The following TNS3 variants were observed in gnomAD, a reference collection of about 807,000 sequenced individuals.
TNS3 encodes the protein tensin 3.
Under a neutral mutation model 140.9 loss-of-function variants are expected in TNS3, and 45 were observed. That is an observed-to-expected ratio of 0.32 (90% confidence interval 0.25 to 0.41). The LOEUF is 0.41. Among genes scored for constraint, TNS3 ranks in the 10% least tolerant of loss-of-function variants. The pLI is 1.00. For synonymous variants in TNS3, 815 were observed against 788.4 expected, an observed-to-expected ratio of 1.03 and a Z score of -0.56; for missense variants, 1,716 against 1,906.7, an observed-to-expected ratio of 0.90 and a Z score of 1.86.
chr7:47,524,731 G>A (rs186038688), intron 2 of TNS3, among the ~76,000 whole-genome samples: 12,686 of 144,682 alleles, frequency 0.088, 719 homozygotes, highest in African/African-American at 0.15. Flanking sequence ...GAACCCGGGA[G>A]GCGGAGCTTG....
In TNS3 at chr7:47,368,638, G is replaced by A; in HGVS notation, c.2008C>T (p.Pro670Ser). The change falls in exon 17 of 31, where the codon CCA becomes TCA. Residue 670 changes from proline (P) to serine (S), a missense_variant. This residue lies in a region of TNS3 where 1,163 missense variants were observed against 1,182.1 expected (regional missense o/e 0.98). Transcript: ENST00000311160. ...SPSKAFKPRF[P>S]GDQVVNGAGP... ...GCTCCATTCACAACCTGGTCTCCTG[G>A]AAACCTGGGTTTGAACGCTTTGCTG... is the stretch of plus-strand genomic sequence containing the variant. 1 of 1,600,724 alleles carries A rather than the reference G, an allele frequency of 6.2e-7. No individual in the cohort carries two copies.
chr7:47,321,903 T>C (rs929285950), intron 20 of TNS3, among the ~76,000 whole-genome samples: 12 of 152,182 alleles, frequency 7.9e-5, no homozygotes, highest in Middle Eastern at 6.8e-3. Flanking sequence ...TAACCAGCAG[T>C]TCAGGGAGGG....
At chr7:47,335,253 G>A (rs1225879270) in intron 20 of TNS3, among the ~76,000 whole-genome samples, 1 of 152,102 alleles carries the variant, frequency 6.6e-6, no homozygotes, top group African/African-American at 2.4e-5. Flanking sequence ...TGCCACTGAC[G>A]CTCCCGCTTG....
intron 4 of TNS3, among the ~76,000 whole-genome samples, chr7:47,480,744 G>T (rs184728483): frequency 1.3e-4 from 20 of 152,160 alleles, no homozygotes; most frequent in Non-Finnish European, 1.0e-4. Context: ...GCCACCTGGC[G>T]ACCCAGGCAC....
chr7:47,382,782 C>T (rs1446708146), intron 16 of TNS3, among the ~76,000 whole-genome samples: 3 of 151,958 alleles, frequency 2.0e-5, no homozygotes, highest in Non-Finnish European at 4.4e-5. Flanking sequence ...ACAGATTTCT[C>T]ATCCTAAATA....
intron 1 of TNS3, among the ~76,000 whole-genome samples, chr7:47,553,900 G>T (rs1486968045): frequency 6.6e-6 from 1 of 151,948 alleles, no homozygotes; most frequent in Non-Finnish European, 1.5e-5. Flanking sequence ...CCACCTCGAG[G>T]TTCAAGCGAT....
chr7:47,507,100 CGGCAGTGTGGACAGAA>C (rs1364965865), intron 2 of TNS3, among the ~76,000 whole-genome samples, 156 bp from the exon 3 acceptor site: 3 of 152,126 alleles, frequency 2.0e-5, no homozygotes, highest in African/African-American at 7.2e-5. Context: ...ATATGACACA[CGGCAGTGTGGACAGAA>C]GGCAGTGAGG....
intron 2 of TNS3, among the ~76,000 whole-genome samples, chr7:47,522,089 C>T (rs1799001257): frequency 6.6e-6 from 1 of 152,180 alleles, no homozygotes; most frequent in Non-Finnish European, 1.5e-5. Flanking sequence ...CTCTCCCATT[C>T]AGTGGATCTG....
At chr7:47,390,761 T>A (rs1444451465) in intron 16 of TNS3, among the ~76,000 whole-genome samples, 1 of 152,116 alleles carries the variant, frequency 6.6e-6, no homozygotes, top group Non-Finnish European at 1.5e-5. Flanking sequence ...TTCCTCTAAA[T>A]CTGTCATAGA....
At chr7:47,578,752 C>T (rs958708659) in intron 1 of TNS3, among the ~76,000 whole-genome samples, 1 of 152,196 alleles carries the variant, frequency 6.6e-6, no homozygotes, top group African/African-American at 2.4e-5. Flanking sequence ...ACAGAAAGCT[C>T]ACGAAACTTG....
At chr7:47,508,091 G>A (rs528506568) in intron 2 of TNS3, among the ~76,000 whole-genome samples, 13 of 152,294 alleles carry the variant, frequency 8.5e-5, no homozygotes, top group South Asian at 2.1e-4. Flanking sequence ...CCAGCTCTGC[G>A]TGTCAACACC....
At chr7:47,374,052 C>T (rs1030621535) in intron 16 of TNS3, among the ~76,000 whole-genome samples, 7 of 152,224 alleles carry the variant, frequency 4.6e-5, no homozygotes, top group African/African-American at 1.7e-4. Context: ...GCCATCACTA[C>T]TGACCTGGCT....
chr7:47,294,219 C>A (rs1420840125), intron 24 of TNS3, among the ~76,000 whole-genome samples: 1 of 152,172 alleles, frequency 6.6e-6, no homozygotes, highest in African/African-American at 2.4e-5. Flanking sequence ...GGCTCAGACA[C>A]AAAATGATAC....
At chr7:47,543,369 G>T (rs531291903) in intron 1 of TNS3, among the ~76,000 whole-genome samples, 3 of 152,296 alleles carry the variant, frequency 2.0e-5, no homozygotes, top group East Asian at 3.9e-4. Context: ...GAGGACTTTC[G>T]GTACGTCAAG....
intron 20 of TNS3, among the ~76,000 whole-genome samples, chr7:47,340,837 T>C (rs1032301219): frequency 2.6e-5 from 4 of 152,216 alleles, no homozygotes; most frequent in Non-Finnish European, 5.9e-5. Context: ...TCTGTAGAAC[T>C]TCCAGAACTA....
chr7:47,420,685 C>T (rs959172521), intron 10 of TNS3, among the ~76,000 whole-genome samples: 1 of 152,194 alleles, frequency 6.6e-6, no homozygotes, highest in African/African-American at 2.4e-5. Flanking sequence ...TTCATGTGCC[C>T]GCTTGGGTCT....
chr7:47,374,810 A>G (rs1392743796), intron 16 of TNS3, among the ~76,000 whole-genome samples: 1 of 152,026 alleles, frequency 6.6e-6, no homozygotes, highest in Non-Finnish European at 1.5e-5. Context: ...AGCCAACTAA[A>G]CTCCCATTTG....
intron 17 of TNS3, among the ~76,000 whole-genome samples, chr7:47,361,345 C>T (rs1790319207): frequency 6.6e-6 from 1 of 152,164 alleles, no homozygotes; most frequent in Non-Finnish European, 1.5e-5. Context: ...GCCTCACTCC[C>T]CAGCACTGAA....
chr7:47,573,479 C>T (rs906874987), intron 1 of TNS3, among the ~76,000 whole-genome samples: 3 of 152,242 alleles, frequency 2.0e-5, no homozygotes, highest in African/African-American at 7.2e-5. Flanking sequence ...AAACACCCTA[C>T]CTTGTGTCTT....
Sources: allele counts gnomAD v4.1 joint callset (sites outside exome capture counted in the v4.1 genomes callset), GRCh38; gene constraint gnomAD v4.1.1; regional missense constraint gnomAD v4.1.1; transcripts MANE v1.5; gene names NCBI Gene and HGNC (gene_info 2026-07-23, HGNC 2026-07-21).